The following USP38 variants were observed in gnomAD, a reference collection of about 807,000 sequenced individuals.
USP38 encodes ubiquitin specific peptidase 38.
A neutral mutation model predicts 94.3 loss-of-function variants in USP38; 49 were observed. The ratio of observed to expected loss-of-function variants is 0.52; its 90% confidence interval spans 0.41 to 0.66. USP38 has a LOEUF of 0.66. Among genes scored for constraint, USP38 ranks in the 30% least tolerant of loss-of-function variants. The probability of loss-of-function intolerance (pLI) is 0.00; values close to 1 mark genes in which losing one functional copy is unlikely to be tolerated. For missense variants in USP38, 1,128 were observed against 1,229.4 expected (o/e 0.92, Z 1.23); for synonymous variants, 468 against 463.6 (o/e 1.01, Z -0.12).
At chr4:143,193,811 C>G (rs1731467344) in intron 2 of USP38, among the ~76,000 whole-genome samples, 1 of 152,108 alleles carries the variant, frequency 6.6e-6, no homozygotes, top group South Asian at 2.1e-4. Flanking sequence ...TTTGGCCAGG[C>G]ACAGTGCCTC....
chr4:143,220,470 C>G lies in USP38; in HGVS notation c.*14C>G. On this transcript the variant is annotated 3_prime_UTR_variant, in exon 10 of 10. Transcript: ENST00000307017. ...CTCGTATTTTGATCCTGAGAGAGTC[C>G]AAAATGCACTGGTCACGAAACGTCT... 6.2e-7 allele frequency: 1 copy of G among 1,602,052 alleles called. No individual in the cohort carries two copies. The highest frequency in any genetic ancestry group is 8.5e-7 in the Non-Finnish European group (1 of 1,174,580).
intron 6 of USP38, among the ~76,000 whole-genome samples, chr4:143,208,673 A>G (rs954709075): frequency 2.0e-5 from 3 of 150,612 alleles, no homozygotes; most frequent in Non-Finnish European, 3.0e-5. Flanking sequence ...TTTTGTTTTC[A>G]TGTTGCTTTA....
Position 143,195,759 on chromosome 4 carries a change from A to G in USP38, c.862A>G (p.Thr288Ala). ...LSWPLAQHVDTWVIALLKGLA... is the reference protein window; with the variant it reads ...LSWPLAQHVDAWVIALLKGLA... ...CTGGCCATTGGCTCAGCATGTGGAT[A>G]CATGGGTAATTGCACTCCTGAAAGG... The change falls in exon 3 of 10, where the codon ACA becomes GCA. Residue 288 changes from threonine (T) to alanine (A), a missense_variant. By Grantham distance (58) the Thr-to-Ala change is moderately conservative. Coordinates refer to ENST00000307017, the MANE Select transcript of USP38 (RefSeq NM_032557.6). The G allele has an allele frequency of 6.2e-7, 1 of 1,613,476 alleles. No homozygotes were observed. Among genetic ancestry groups the G allele is most frequent in the Non-Finnish European group, 8.5e-7 (1 of 1,179,708 alleles).
At chr4:143,186,164 A>G (rs1731217558) in intron 1 of USP38, 32 bp downstream of exon 1, 2 of 1,593,760 alleles carry the variant, frequency 1.3e-6, no homozygotes, top group African/African-American at 2.7e-5. Flanking sequence ...AATATCTCAT[A>G]AAAAATCAGT....
In USP38 at chr4:143,212,346, T is replaced by C. The variant is rs868418134; in HGVS notation, c.1526T>C (p.Phe509Ser). ...GAAGCATACGCACCTCGGATATTCTTTGAGGCTTCCAGACCTCCATGGTTT... is the reference window on the plus strand; with the variant it reads ...GAAGCATACGCACCTCGGATATTCTCTGAGGCTTCCAGACCTCCATGGTTT... Reference protein sequence around the residue: ...QREAYAPRIFFEASRPPWFTP... With the variant: ...QREAYAPRIFSEASRPPWFTP... The change falls in exon 8 of 10, where the codon TTT becomes TCT. Residue 509 changes from phenylalanine (F) to serine (S), a missense_variant. Transcript: ENST00000307017. 1.2e-6 allele frequency: 2 copies of C among 1,612,086 alleles called. No homozygotes were observed. Among genetic ancestry groups the C allele is most frequent in the Admixed American group, 1.7e-5 (1 of 59,758 alleles).
chr4:143,185,894 C>T lies in USP38; in HGVS notation c.444C>T (p.Ser148=), dbSNP rs138043398. Residue 148 remains serine, a synonymous_variant, in exon 1 of 10, where the codon AGC becomes AGT. Coordinates refer to ENST00000307017, the MANE Select transcript of USP38 (RefSeq NM_032557.6). ...AGCCGCAGCTCTGTGCCCGACTGAG[C>T]GACCTTCTGACCGACTTTGTGCAAT... ...RPEPQLCARL[S]DLLTDFVQCI... 2 of 1,614,144 alleles carry T rather than the reference C, an allele frequency of 1.2e-6. No individual in the cohort carries two copies. The highest frequency in any genetic ancestry group is 1.7e-5 in the Admixed American group (1 of 60,024).
In USP38 at chr4:143,198,327, C is replaced by T. The variant is rs1395169398; in HGVS notation, c.1050+403C>T. 3.3e-5 allele frequency among the ~76,000 whole-genome samples: 5 copies of T among 152,166 alleles called. No individual in the cohort carries two copies. In the East Asian group the frequency reaches 9.6e-4, roughly 29 times the overall value. ...CCTACATCCTACAAATCCTGTTGAC[C>T]CCACCTTTAAAATACATCTAGAATC... On this transcript the variant is annotated intron_variant, in intron 4 of 9. Coordinates refer to ENST00000307017, the MANE Select transcript of USP38 (RefSeq NM_032557.6).
At chr4:143,216,046 T>G (rs1373247633) in intron 9 of USP38, among the ~76,000 whole-genome samples, 1 of 152,064 alleles carries the variant, frequency 6.6e-6, no homozygotes, top group Non-Finnish European at 1.5e-5. Flanking sequence ...AGAGGAGAAA[T>G]ATGGGTTTTG....
chr4:143,195,515 A>G (rs1321929480), intron 2 of USP38, among the ~76,000 whole-genome samples: 1 of 152,258 alleles, frequency 6.6e-6, no homozygotes, highest in Admixed American at 6.5e-5. Context: ...GGATATGAGA[A>G]ACTGTCAGTT....
intron 5 of USP38, 97 bp from the exon 6 acceptor site, chr4:143,205,936 G>A (rs926144384): frequency 1.7e-5 from 15 of 886,382 alleles, no homozygotes; most frequent in South Asian, 3.1e-5. Context: ...AAGTTCAAAT[G>A]TCGGTGTAAG....
rs779797153 is a variant in USP38 at position 143,185,483 on chromosome 4, C to T, written c.33C>T (p.Ser11=). ...AGATCCTGGAGGGCCTTGTGAGTTCCTCGCATCCCCTGCCCCTCAAGCGGG... is the reference window on the plus strand; with the variant it reads ...AGATCCTGGAGGGCCTTGTGAGTTCTTCGCATCCCCTGCCCCTCAAGCGGG... MDKILEGLVS[S]SHPLPLKRVI... The change falls in exon 1 of 10, where the codon TCC becomes TCT. Residue 11 remains serine, a synonymous_variant. Transcript: ENST00000307017. 1.1e-5 allele frequency: 18 copies of T among 1,602,796 alleles called. No homozygotes were observed. In the Admixed American group the frequency reaches 2.4e-4, roughly 21 times the overall value.
rs1732377910 is a variant in USP38, at chr4:143,223,677, T to A, written c.*3221T>A. Reference sequence around the variant, plus strand: ...GATCTTCATTTTGATGCTTTGTACTTTGTTCCAGGTCTTTAATTCTCAGTC... The same window carrying A: ...GATCTTCATTTTGATGCTTTGTACTATGTTCCAGGTCTTTAATTCTCAGTC... On this transcript the variant is annotated 3_prime_UTR_variant, in exon 10 of 10. Transcript: ENST00000307017. 6.6e-6 allele frequency: 1 copy of A among 152,104 alleles called. No homozygotes were observed. The highest frequency in any genetic ancestry group is 6.6e-5 in the Admixed American group (1 of 15,248). 9.4% of individuals were successfully genotyped at this position (152,104 alleles called of 1,614,324 possible).
chr4:143,203,624 A>G (rs1731779110), intron 5 of USP38, 58 bp downstream of exon 5: 2 of 1,510,222 alleles, frequency 1.3e-6, no homozygotes, highest in Non-Finnish European at 1.8e-6. Context: ...AAGGTGAAAC[A>G]TTCTTATAAC....
At chr4:143,197,221 G>T (rs1037682622) in intron 3 of USP38, among the ~76,000 whole-genome samples, 1 of 152,156 alleles carries the variant, frequency 6.6e-6, no homozygotes, top group African/African-American at 2.4e-5. Context: ...CTTGTCCCAG[G>T]TATTTGCAAG....
chr4:143,208,807 C>T (rs546723829), intron 6 of USP38, among the ~76,000 whole-genome samples: 7 of 151,802 alleles, frequency 4.6e-5, no homozygotes, highest in South Asian at 2.1e-4. Flanking sequence ...TCATTTGTAG[C>T]ATCTGGACTT....
rs770557580 is a variant in USP38, at chr4:143,187,924, A to C, written c.781A>C (p.Asn261His). 6.2e-7 allele frequency: 1 copy of C among 1,613,784 alleles called. No homozygotes were observed. Among genetic ancestry groups the C allele is most frequent in the Non-Finnish European group, 8.5e-7 (1 of 1,179,764 alleles). ...CATCAGGAGCCTTACTACGGATCCA[A>C]ATGTAAAAGATGCAAGTATGACCCA... ...VLIRSLTTDPNVKDASMTQAL... is the reference protein window; with the variant it reads ...VLIRSLTTDPHVKDASMTQAL... Residue 261 changes from asparagine (N) to histidine (H), a missense_variant, in exon 2 of 10, where the codon AAT becomes CAT. Asn to His is a moderately conservative substitution (Grantham distance 68, BLOSUM62 1). Coordinates refer to ENST00000307017, the MANE Select transcript of USP38 (RefSeq NM_032557.6).
chr4:143,206,756 TTAC>T (rs1422002981), intron 6 of USP38, among the ~76,000 whole-genome samples: 1 of 152,218 alleles, frequency 6.6e-6, no homozygotes, highest in Non-Finnish European at 1.5e-5. Flanking sequence ...TTTAAAGAAA[TTAC>T]TATTCCAAAG....
Position 143,186,088 on chromosome 4 carries a change from T to G in USP38, c.638T>G (p.Leu213Arg). 1 of 1,614,210 alleles carries G rather than the reference T, an allele frequency of 6.2e-7. No homozygotes were observed. The highest frequency in any genetic ancestry group is 2.2e-5 in the East Asian group (1 of 44,882). The change falls in exon 1 of 10, where the codon CTA becomes CGA. Residue 213 changes from leucine to arginine, a missense_variant. Coordinates refer to ENST00000307017, the MANE Select transcript of USP38 (RefSeq NM_032557.6). ...QNIWKAEPAT[L>R]LPSLQEVFAS... ...ATCTGGAAGGCCGAGCCTGCCACAC[T>G]ACTGCCTTCCCTGCAAGAAGTTTTT...
chr4:143,186,266 C>T, intron 1 of USP38, 134 bp downstream of exon 1: 1 of 835,706 alleles, frequency 1.2e-6, no homozygotes, highest in Non-Finnish European at 1.9e-6. Context: ...TACCTCATCC[C>T]AAATTTATTC....
Sources: gnomAD v4.1 joint callset for allele counts (sites outside exome capture counted in the v4.1 genomes callset) on GRCh38, gnomAD v4.1.1 for gene constraint, MANE v1.5 for transcripts, NCBI Gene and HGNC (gene_info 2026-07-23, HGNC 2026-07-21) for gene names.